The following GAN variants were observed in gnomAD, a reference collection of about 807,000 sequenced individuals.
The protein encoded by GAN is epididymis secretory sperm binding protein.
Under a neutral mutation model 71.3 loss-of-function variants are expected in GAN, and 48 were observed. The observed-to-expected ratio is 0.67, with a 90% CI of 0.53 to 0.86. GAN has a LOEUF of 0.86. Ranked by LOEUF, GAN falls within the 40% of genes least tolerant of loss-of-function variation. The probability of loss-of-function intolerance (pLI) is 0.00; values close to 1 mark genes in which losing one functional copy is unlikely to be tolerated. For synonymous variants in GAN, 386 were observed against 276.8 expected (o/e 1.39, Z -3.92); for missense variants, 928 against 770.1 (o/e 1.21, Z -2.43).
chr16:81,341,767 A>G (rs1206844642), intron 1 of GAN, among the ~76,000 whole-genome samples: 1 of 152,228 alleles, frequency 6.6e-6, no homozygotes, highest in Non-Finnish European at 1.5e-5. Flanking sequence ...TGACAGGATC[A>G]AATTCACACA....
chr16:81,373,773 T>C lies in GAN; in HGVS notation c.1503-3446T>C, dbSNP rs956177064. 5.1e-4 allele frequency among the ~76,000 whole-genome samples: 78 copies of C among 152,324 alleles called. No homozygotes were observed. The East Asian group carries it at 0.014, about 28-fold the overall frequency. ...TCATTCTTTTTTTTGAGACAGAGTC[T>C]TGCTCTGTCAGCAGGCTGGAGTGCA... On this transcript the variant is annotated intron_variant, in intron 9 of 10. Transcript: ENST00000648994.
At chr16:81,368,708 C>T (rs763896915) in intron 9 of GAN, among the ~76,000 whole-genome samples, 2 of 152,156 alleles carry the variant, frequency 1.3e-5, no homozygotes, top group Non-Finnish European at 2.9e-5. Context: ...TTCACATTTC[C>T]CACCTTCCCT....
At chr16:81,361,193 C>G (rs534330740) in intron 5 of GAN, among the ~76,000 whole-genome samples, 11 of 152,178 alleles carry the variant, frequency 7.2e-5, no homozygotes, top group African/African-American at 2.4e-4. Flanking sequence ...CCACTGCCCT[C>G]CAGCCTGGGC....
At chr16:81,358,045 A>G (rs1910550574) in intron 5 of GAN, 114 bp downstream of exon 5, 3 of 929,338 alleles carry the variant, frequency 3.2e-6, no homozygotes, top group Non-Finnish European at 5.2e-6. Context: ...TCTCTACATG[A>G]CATTTTTAGT....
intron 1 of GAN, among the ~76,000 whole-genome samples, chr16:81,317,078 C>T (rs1226245236): frequency 6.6e-6 from 1 of 152,180 alleles, no homozygotes; most frequent in African/African-American, 2.4e-5. Flanking sequence ...AGGCTGGTCT[C>T]GAACTCCTCA....
intron 1 of GAN, among the ~76,000 whole-genome samples, chr16:81,331,899 A>G (rs554261021): frequency 6.6e-6 from 1 of 152,330 alleles, no homozygotes; most frequent in South Asian, 2.1e-4. Context: ...GTGGTGGCTC[A>G]TGCCTGTAAT....
At position 81,315,083 on chromosome 16, in the gene GAN, C is replaced by T. The variant is rs1211982378; in HGVS notation, c.-31C>T. On this transcript the variant is annotated 5_prime_UTR_variant, in exon 1 of 11. Coordinates refer to ENST00000648994, the MANE Select transcript of GAN (RefSeq NM_022041.4). ...GGTCCGGCCGGACGGTGTCGGGAGC[C>T]GGACCCGTCGGCAGAGGAGCGGGCG... is the stretch of plus-strand genomic sequence containing the variant. The T allele has an allele frequency of 2.1e-6, 3 of 1,461,246 alleles. No individual in the cohort carries two copies. The highest frequency in any genetic ancestry group is 2.7e-6 in the Non-Finnish European group (3 of 1,100,768). The allele number at this position is 1,461,246 out of a possible 1,614,324, so 90.5% of individuals were successfully genotyped here.
At chr16:81,321,210 A>G (rs954645171) in intron 1 of GAN, among the ~76,000 whole-genome samples, 1 of 152,234 alleles carries the variant, frequency 6.6e-6, no homozygotes, top group Non-Finnish European at 1.5e-5. Context: ...CAAATCAACA[A>G]AATTCTTGTT....
At chr16:81,348,129 G>A (rs992960392) in intron 1 of GAN, among the ~76,000 whole-genome samples, 1 of 152,176 alleles carries the variant, frequency 6.6e-6, no homozygotes, top group African/African-American at 2.4e-5. Flanking sequence ...CATGAGCCAT[G>A]TGCTCAGCCA....
intron 1 of GAN, among the ~76,000 whole-genome samples, chr16:81,333,078 A>T (rs921395458): frequency 7.2e-5 from 11 of 152,080 alleles, no homozygotes; most frequent in African/African-American, 2.4e-4. Flanking sequence ...TCTCTACCAA[A>T]AATACAAAAC....
intron 9 of GAN, among the ~76,000 whole-genome samples, chr16:81,366,260 C>A (rs888966530): frequency 1.3e-5 from 2 of 152,164 alleles, no homozygotes; most frequent in African/African-American, 4.8e-5. Context: ...ATCCTGGCTT[C>A]CAGCATCCTA....
intron 6 of GAN, 127 bp from the exon 7 acceptor site, chr16:81,363,667 C>T (rs1230683593): frequency 1.1e-6 from 1 of 893,590 alleles, no homozygotes; most frequent in Non-Finnish European, 1.9e-6. Context: ...TGTCTCCTTG[C>T]TCTAGGAGTC....
At chr16:81,346,622 A>G (rs1910127659) in intron 1 of GAN, among the ~76,000 whole-genome samples, 2 of 152,348 alleles carry the variant, frequency 1.3e-5, no homozygotes, top group South Asian at 2.1e-4. Context: ...CCATCCCCAC[A>G]ACTCCCTTCT....
chr16:81,350,775 T>C (rs2150683356), intron 1 of GAN, among the ~76,000 whole-genome samples: 1 of 152,266 alleles, frequency 6.6e-6, no homozygotes, highest in African/African-American at 2.4e-5. Flanking sequence ...CACCTCGGCC[T>C]CCCAAAGTGT....
At chr16:81,343,036 G>A (rs1160364962) in intron 1 of GAN, among the ~76,000 whole-genome samples, 2 of 152,134 alleles carry the variant, frequency 1.3e-5, no homozygotes, top group African/African-American at 4.8e-5. Flanking sequence ...AGAAGAAATG[G>A]ATAAATTCCT....
chr16:81,315,593 A>T (rs1366720370), intron 1 of GAN, among the ~76,000 whole-genome samples: 1 of 151,906 alleles, frequency 6.6e-6, no homozygotes, highest in East Asian at 1.9e-4. Context: ...CGAGCGCCCG[A>T]CCTCGGAGAC....
chr16:81,321,965 G>C (rs79536181), intron 1 of GAN, among the ~76,000 whole-genome samples: 5 of 152,258 alleles, frequency 3.3e-5, no homozygotes, highest in South Asian at 2.1e-4. Context: ...CTCTGTGGAG[G>C]ATAAAGATTC....
chr16:81,375,667 A>G (rs1434845818), intron 9 of GAN, among the ~76,000 whole-genome samples: 1 of 152,016 alleles, frequency 6.6e-6, no homozygotes, highest in Non-Finnish European at 1.5e-5. Flanking sequence ...GACATTTTAT[A>G]AAAGAACATA....
In GAN at chr16:81,350,984, A is replaced by G. The variant is rs527276454; in HGVS notation, c.168-599A>G. 4.6e-5 allele frequency among the ~76,000 whole-genome samples: 7 copies of G among 152,382 alleles called. No homozygotes were observed. In the East Asian group the frequency reaches 1.2e-3, roughly 25 times the overall value. On this transcript the variant is annotated intron_variant, in intron 1 of 10. Coordinates refer to ENST00000648994, the MANE Select transcript of GAN (RefSeq NM_022041.4). ...GAACCAGTGTGATATGCACACCTCT[A>G]TAAAATTTTAAGTCATTTATATAAA...
Sources: allele counts gnomAD v4.1 joint callset (sites outside exome capture counted in the v4.1 genomes callset), GRCh38; gene constraint gnomAD v4.1.1; transcripts MANE v1.5; gene names NCBI Gene and HGNC (gene_info 2026-07-23, HGNC 2026-07-21).